LRRK2: variants seen among roughly 807,000 people sequenced by gnomAD.
LRRK2 encodes the protein leucine rich repeat kinase 2.
Under a neutral mutation model 302.6 loss-of-function variants are expected in LRRK2, and 203 were observed. The observed-to-expected ratio is 0.67, with a 90% CI of 0.60 to 0.75. The LOEUF (loss-of-function observed/expected upper bound fraction) is 0.75, where lower values mean the gene tolerates loss of function less well. Among genes scored for constraint, LRRK2 ranks in the 30% least tolerant of loss-of-function variants. LRRK2 has a pLI of 0.00. For missense variants in LRRK2, 2,830 were observed against 2,951.0 expected, an observed-to-expected ratio of 0.96 and a Z score of 0.95; for synonymous variants, 1,066 against 1,031.9, an observed-to-expected ratio of 1.03 and a Z score of -0.63.
intron 27 of LRRK2, chr12:40,305,123 T>C (rs1056364780): frequency 2.6e-5 from 4 of 152,192 alleles, no homozygotes; most frequent in African/African-American, 9.7e-5. Flanking sequence ...AAATCTGAAA[T>C]TGATAATTTG....
At position 40,328,736 on chromosome 12, in the gene LRRK2, T is replaced by G. The variant is rs574513298; in HGVS notation, c.5757+276T>G. Among the ~76,000 whole-genome samples the G allele has an allele frequency of 9.8e-5, 15 of 152,314 alleles. No individual in the cohort carries two copies. The South Asian group carries it at 3.1e-3, about 32-fold the overall frequency. ...ACTCACTTACACTCCTCTTTTTACT[T>G]TAGAACCTTGCTGTTCAAAATGTGC... On this transcript the variant is annotated intron_variant, in intron 39 of 50. Coordinates refer to ENST00000298910, the MANE Select transcript of LRRK2 (RefSeq NM_198578.4).
At chr12:40,358,277 T>C (rs116675217) in intron 46 of LRRK2, among the ~76,000 whole-genome samples, 1,783 of 152,300 alleles carry the variant, frequency 0.012, 38 homozygotes, top group African/African-American at 0.041. Flanking sequence ...GCCTGTGCTT[T>C]TGGGATCTTA....
chr12:40,232,446 T>A, intron 3 of LRRK2, 63 bp downstream of exon 3: 1 of 1,150,474 alleles, frequency 8.7e-7, no homozygotes. Context: ...ATGACAACCT[T>A]CCCTTGATAC....
At chr12:40,354,843 AAT>A (rs767600189) in intron 45 of LRRK2, among the ~76,000 whole-genome samples, 1 of 24,996 alleles carries the variant, frequency 4.0e-5, no homozygotes, top group South Asian at 8.0e-4. Context: ...AAAAAAAAAA[AAT>A]ATATATATAT....
At chr12:40,237,939 A>G (rs762018932) in intron 4 of LRRK2, 30 bp from the exon 5 acceptor site, 7 of 1,596,220 alleles carry the variant, frequency 4.4e-6, no homozygotes, top group Admixed American at 1.7e-5. Flanking sequence ...GCAGCTCTTT[A>G]CTCAGAGCAT....
At chr12:40,287,218 G>T (rs748763787) in intron 19 of LRRK2, 133 bp from the exon 20 acceptor site, 28 of 772,218 alleles carry the variant, frequency 3.6e-5, no homozygotes, top group Non-Finnish European at 5.8e-5. Context: ...GATCACTAGT[G>T]TAAGGTGACT....
intron 49 of LRRK2, chr12:40,365,989 T>C (rs1209859484): frequency 6.6e-6 from 1 of 151,996 alleles, no homozygotes; most frequent in Non-Finnish European, 1.5e-5. Context: ...CTAGTTGAAT[T>C]GTATGTACTT....
At chr12:40,236,265 G>A (rs1298863389) in intron 4 of LRRK2, among the ~76,000 whole-genome samples, 2 of 152,092 alleles carry the variant, frequency 1.3e-5, no homozygotes, top group Non-Finnish European at 2.9e-5. Flanking sequence ...AATGCTTCAC[G>A]TGCTTTTAAA....
intron 11 of LRRK2, among the ~76,000 whole-genome samples, chr12:40,255,830 C>A (rs1942475722): frequency 6.6e-6 from 1 of 152,078 alleles, no homozygotes; most frequent in African/African-American, 2.4e-5. Context: ...GCAAAGTAAC[C>A]AACTCTTTAT....
At chr12:40,310,025 A>T (rs570487533) in intron 30 of LRRK2, among the ~76,000 whole-genome samples, 21 of 152,320 alleles carry the variant, frequency 1.4e-4, no homozygotes, top group Admixed American at 5.2e-4. Flanking sequence ...TTTAAAACGA[A>T]TTTAGAAGAT....
At position 40,251,495 on chromosome 12, in the gene LRRK2, C is replaced by T. The variant is rs200870486; in HGVS notation, c.1132C>T (p.Leu378Phe). ...EAACWALNNL[L>F]MYQNSLHEKI... ...CGCATGCTGGGCACTAAATAATCTC[C>T]TTATGTACCAAAACAGTTTACATGA... is the stretch of plus-strand genomic sequence containing the variant. The change falls in exon 10 of 51, where the codon CTT becomes TTT. Residue 378 changes from leucine (L) to phenylalanine (F), a missense_variant. Physicochemically the swap from Leu to Phe is conservative, Grantham distance 22. Coordinates refer to ENST00000298910, the MANE Select transcript of LRRK2 (RefSeq NM_198578.4). The T allele has an allele frequency of 1.9e-5, 31 of 1,612,594 alleles. No individual in the cohort carries two copies. The East Asian group carries it at 6.7e-4, about 35-fold the overall frequency.
intron 14 of LRRK2, among the ~76,000 whole-genome samples, chr12:40,266,216 A>G (rs2136556106): frequency 6.6e-6 from 1 of 152,166 alleles, no homozygotes; most frequent in African/African-American, 2.4e-5. Context: ...TGAACAGGCA[A>G]CCTACAGAAT....
chr12:40,304,177 G>T (rs1242015268), intron 27 of LRRK2, 43 bp downstream of exon 27: 1 of 1,574,676 alleles, frequency 6.4e-7, no homozygotes, highest in Non-Finnish European at 8.7e-7. Flanking sequence ...TTTATGATTT[G>T]CATCATTACA....
At chr12:40,293,457 T>G (rs775605069) in intron 20 of LRRK2, 88 bp from the exon 21 acceptor site, 2 of 822,386 alleles carry the variant, frequency 2.4e-6, no homozygotes, top group Non-Finnish European at 4.1e-6. Flanking sequence ...AGGTCTAATC[T>G]TCCATGATTG....
chr12:40,243,058 C>T (rs372715171), intron 6 of LRRK2, among the ~76,000 whole-genome samples: 36 of 151,498 alleles, frequency 2.4e-4, no homozygotes, highest in East Asian at 1.6e-3. Context: ...GATTAAACAA[C>T]GTGACTAAGT....
rs199567707 is a variant in LRRK2, at chr12:40,348,434, C to T, written c.6306C>T (p.Ala2102=). The change falls in exon 43 of 51, where the codon GCC becomes GCT. Residue 2102 remains alanine (A), a synonymous_variant. Coordinates refer to ENST00000298910, the MANE Select transcript of LRRK2 (RefSeq NM_198578.4). ...LPDPVKEYGC[A]PWPMVEKLIK... is the part of the protein sequence containing the mutation. ...ATCCAGTTAAAGAATATGGTTGTGC[C>T]CCATGGCCTATGGTTGAGAAATTAA... 1 of 1,611,610 alleles carries T rather than the reference C, an allele frequency of 6.2e-7. No homozygotes were observed. Among genetic ancestry groups the T allele is most frequent in the Non-Finnish European group, 8.5e-7 (1 of 1,178,262 alleles).
rs1187417822 is a variant in LRRK2, at chr12:40,293,548, G to A, written c.2693G>A (p.Ser898Asn). The change falls in exon 21 of 51, where the codon AGT (serine) becomes AAT (asparagine). Residue 898 changes from serine to asparagine, a missense_variant. Ser to Asn is a conservative substitution (Grantham distance 46, BLOSUM62 1). Coordinates refer to ENST00000298910, the MANE Select transcript of LRRK2 (RefSeq NM_198578.4). ...AQSDDLDSEG[S>N]EGSFLVKKKS... ...TATTTTATCATTTTCAAAATAGGAAGTGAAGGCTCATTTCTTGTGAAAAAG... is the reference window on the plus strand; with the variant it reads ...TATTTTATCATTTTCAAAATAGGAAATGAAGGCTCATTTCTTGTGAAAAAG... 14 of 1,584,846 alleles carry A rather than the reference G, an allele frequency of 8.8e-6. No homozygotes were observed. Among genetic ancestry groups the A allele is most frequent in the Non-Finnish European group, 1.2e-5 (14 of 1,155,310 alleles).
intron 4 of LRRK2, among the ~76,000 whole-genome samples, chr12:40,237,379 T>C (rs186499272): frequency 3.2e-4 from 49 of 152,346 alleles, no homozygotes; most frequent in African/African-American, 1.1e-3. Flanking sequence ...TGTTTTTGCA[T>C]TCTAGATGAG....
At position 40,367,881 on chromosome 12, in the gene LRRK2, A is replaced by G. The variant is rs1380156794; in HGVS notation, c.*116A>G. On this transcript the variant is annotated 3_prime_UTR_variant, in exon 51 of 51. Transcript: ENST00000298910. ...ACATTTTTTGAAATAGCTCGTGTGT[A>G]TGAAGGAATGTTATTATTTTTAATT... The G allele has an allele frequency of 9.7e-6, 8 of 825,608 alleles. No homozygotes were observed. The highest frequency in any genetic ancestry group is 1.8e-5 in the African/African-American group (1 of 56,686). 51.1% of individuals were successfully genotyped at this position (825,608 alleles called of 1,614,324 possible).
Sources: allele counts gnomAD v4.1 joint callset (sites outside exome capture counted in the v4.1 genomes callset), GRCh38; gene constraint gnomAD v4.1.1; transcripts MANE v1.5; gene names NCBI Gene and HGNC (gene_info 2026-07-23, HGNC 2026-07-21).